Variants in ADGRB3 observed in about 807,000 individuals in gnomAD.
The protein encoded by ADGRB3 is brain-specific angiogenesis inhibitor 3.
Under a neutral mutation model 193.4 loss-of-function variants are expected in ADGRB3, and 37 were observed. That is an observed-to-expected ratio of 0.19 (90% CI 0.15 to 0.25). The LOEUF (loss-of-function observed/expected upper bound fraction) is 0.25, where lower values mean the gene tolerates loss of function less well. Among genes scored for constraint, ADGRB3 ranks in the 10% least tolerant of loss-of-function variants. The probability of loss-of-function intolerance (pLI) is 1.00; values close to 1 mark genes in which losing one functional copy is unlikely to be tolerated. For missense variants in ADGRB3, 1,637 were observed against 1,852.9 expected, an observed-to-expected ratio of 0.88 and a Z score of 2.14; for synonymous variants, 690 against 644.2, an observed-to-expected ratio of 1.07 and a Z score of -1.08.
chr6:68,925,663 T>C (rs4706744), intron 3 of ADGRB3, among the ~76,000 whole-genome samples: 14,057 of 152,046 alleles, frequency 0.092, 863 homozygotes, highest in Non-Finnish European at 0.13. Context: ...TGGAGACAAA[T>C]TAGCAAGTCA....
chr6:68,823,191 T>TA (rs1388324814), intron 3 of ADGRB3, among the ~76,000 whole-genome samples: 1 of 151,974 alleles, frequency 6.6e-6, no homozygotes, highest in African/African-American at 2.4e-5. Context: ...TCATGATATT[T>TA]AAAAAATTGG....
chr6:68,655,100 A>G (rs1446497538), intron 3 of ADGRB3, among the ~76,000 whole-genome samples: 1 of 150,844 alleles, frequency 6.6e-6, no homozygotes, highest in African/African-American at 2.4e-5. Flanking sequence ...AGTTTGTTAC[A>G]TACTAGATTC....
At chr6:68,775,779 C>T (rs1360826500) in intron 3 of ADGRB3, among the ~76,000 whole-genome samples, 2 of 152,170 alleles carry the variant, frequency 1.3e-5, no homozygotes, top group Non-Finnish European at 2.9e-5. Flanking sequence ...AATTTCCCCT[C>T]TTCTCCTCCT....
At chr6:68,978,494 C>T (rs1768815057) in intron 10 of ADGRB3, among the ~76,000 whole-genome samples, 1 of 151,460 alleles carries the variant, frequency 6.6e-6, no homozygotes, top group Non-Finnish European at 1.5e-5. Flanking sequence ...AGAGCATGAT[C>T]TTTTTACATG....
At chr6:68,927,238 GATC>G (rs1767206982) in intron 3 of ADGRB3, among the ~76,000 whole-genome samples, 1 of 152,062 alleles carries the variant, frequency 6.6e-6, no homozygotes, top group Non-Finnish European at 1.5e-5. Context: ...CACCAAAGCA[GATC>G]ATCTTTTTAT....
At chr6:69,149,707 T>A (rs980410118) in intron 17 of ADGRB3, among the ~76,000 whole-genome samples, 10 of 152,074 alleles carry the variant, frequency 6.6e-5, no homozygotes, top group Non-Finnish European at 1.2e-4. Context: ...TTCCAGATAT[T>A]TGAAGGGACT....
chr6:69,163,024 C>T lies in ADGRB3; in HGVS notation c.2481-70266C>T, dbSNP rs189756678. On this transcript the variant is annotated intron_variant, in intron 17 of 31. Transcript: ENST00000370598. The stretch of plus-strand genomic sequence containing the variant: ...CTTAGCCTTTCCAGCTGTGGGGATT[C>T]TGTTCCCTTGGCCTGCTTATTTGTC... 2.6e-5 allele frequency among the ~76,000 whole-genome samples: 4 copies of T among 152,214 alleles called. No homozygotes were observed. In the East Asian group the frequency reaches 7.7e-4, roughly 29 times the overall value.
intron 12 of ADGRB3, among the ~76,000 whole-genome samples, chr6:69,017,461 G>A (rs950196722): frequency 2.0e-5 from 3 of 151,884 alleles, no homozygotes; most frequent in Admixed American, 6.6e-5. Context: ...GACTTTATAA[G>A]CTTTATGGGT....
At position 69,336,840 on chromosome 6, in the gene ADGRB3, C is replaced by A. The variant is rs189374805; in HGVS notation, c.3189-2076C>A. ...TGAGTTTTTCATATTATATTAATTT[C>A]TATAGTGGTCACATAAACTAGGAAA... On this transcript the variant is annotated intron_variant, in intron 24 of 31. Coordinates refer to ENST00000370598, the MANE Select transcript of ADGRB3 (RefSeq NM_001704.3). 4.3e-3 allele frequency among the ~76,000 whole-genome samples: 657 copies of A among 152,096 alleles called. 3 individuals are homozygous for A. The highest frequency in any genetic ancestry group is 0.015 in the African/African-American group (617 of 41,520).
intron 15 of ADGRB3, among the ~76,000 whole-genome samples, chr6:69,050,599 T>C (rs1350073667): frequency 3.3e-5 from 5 of 152,300 alleles, no homozygotes; most frequent in Admixed American, 3.3e-4. Context: ...GTGTTTGATG[T>C]TGAGGAGAGG....
intron 20 of ADGRB3, among the ~76,000 whole-genome samples, chr6:69,256,175 T>G (rs1766765203): frequency 6.6e-6 from 1 of 151,536 alleles, no homozygotes; most frequent in Non-Finnish European, 1.5e-5. Context: ...AGGATTGACT[T>G]GGCGATGCGG....
At chr6:69,153,098 T>C (rs1774724630) in intron 17 of ADGRB3, among the ~76,000 whole-genome samples, 1 of 152,200 alleles carries the variant, frequency 6.6e-6, no homozygotes, top group South Asian at 2.1e-4. Flanking sequence ...AAAAGGACTA[T>C]ATTTAAAATG....
chr6:68,853,451 T>C (rs1192563132), intron 3 of ADGRB3, among the ~76,000 whole-genome samples: 1 of 152,054 alleles, frequency 6.6e-6, no homozygotes, highest in Non-Finnish European at 1.5e-5. Context: ...TTCTTAGCTG[T>C]CTAGGTAAAA....
At chr6:68,731,449 G>A (rs9342731) in intron 3 of ADGRB3, among the ~76,000 whole-genome samples, 41,582 of 151,332 alleles carry the variant, frequency 0.27, 6,358 homozygotes, top group Non-Finnish European at 0.35. Context: ...AAAAAAGCCC[G>A]TAGTTTCAAA....
intron 26 of ADGRB3, among the ~76,000 whole-genome samples, chr6:69,340,535 A>G (rs1768952408): frequency 6.6e-6 from 1 of 152,150 alleles, no homozygotes; most frequent in Non-Finnish European, 1.5e-5. Context: ...TAAACCCTAT[A>G]GTTTTGCAGT....
At chr6:69,089,490 C>T (rs760935930) in intron 17 of ADGRB3, among the ~76,000 whole-genome samples, 2 of 152,136 alleles carry the variant, frequency 1.3e-5, no homozygotes, top group Non-Finnish European at 2.9e-5. Context: ...TACATGGACA[C>T]TTCTTAGCCT....
intron 3 of ADGRB3, among the ~76,000 whole-genome samples, chr6:68,889,669 A>AT (rs1766017650): frequency 1.3e-5 from 2 of 151,732 alleles, no homozygotes; most frequent in Admixed American, 6.6e-5. Flanking sequence ...CGCCTGGCTA[A>AT]TTTTTTGTAT....
chr6:69,279,958 T>G (rs1767399328), intron 20 of ADGRB3, among the ~76,000 whole-genome samples: 1 of 152,148 alleles, frequency 6.6e-6, no homozygotes. Flanking sequence ...CTCCTACTGC[T>G]TTCAGCTGCT....
At chr6:69,010,111 C>T (rs1769890230) in intron 11 of ADGRB3, among the ~76,000 whole-genome samples, 2 of 151,860 alleles carry the variant, frequency 1.3e-5, no homozygotes, top group Admixed American at 1.3e-4. Context: ...ACATTTATTG[C>T]CCTGATTTTT....
Sources: allele counts gnomAD v4.1 joint callset (sites outside exome capture counted in the v4.1 genomes callset), GRCh38; gene constraint gnomAD v4.1.1; transcripts MANE v1.5; gene names NCBI Gene and HGNC (gene_info 2026-07-23, HGNC 2026-07-21).